Variants in EHMT1 observed in about 807,000 individuals in gnomAD.
EHMT1 encodes euchromatic histone lysine methyltransferase 1.
Under a neutral mutation model 147.2 loss-of-function variants are expected in EHMT1, and 15 were observed. The observed-to-expected ratio is 0.10, with a 90% CI of 0.07 to 0.16. EHMT1 has a LOEUF of 0.16. EHMT1 is among the 10% of genes least tolerant of loss of function. EHMT1 has a pLI of 1.00. For synonymous variants in EHMT1, 795 were observed against 709.6 expected (o/e 1.12, Z -1.91); for missense variants, 1,587 against 1,772.4 (o/e 0.90, Z 1.88).
intron 4 of EHMT1, among the ~76,000 whole-genome samples, chr9:137,741,795 A>G (rs886456521): frequency 3.9e-5 from 6 of 152,140 alleles, no homozygotes; most frequent in African/African-American, 1.4e-4. Context: ...TTTGGTTGGG[A>G]AAAAAATTCT....
At chr9:137,810,971 G>T (rs896728100) in intron 18 of EHMT1, among the ~76,000 whole-genome samples, 2 of 152,126 alleles carry the variant, frequency 1.3e-5, no homozygotes, top group Non-Finnish European at 2.9e-5. Context: ...AAAATGCTGG[G>T]ATTACAGGCG....
chr9:137,622,115 C>CA (rs1842974526), intron 1 of EHMT1, among the ~76,000 whole-genome samples: 1 of 126,618 alleles, frequency 7.9e-6, no homozygotes, highest in Non-Finnish European at 1.6e-5. Flanking sequence ...TCCCTCCCCC[C>CA]TCCCCCCTTT....
chr9:137,733,242 C>T (rs1240309062), intron 4 of EHMT1, among the ~76,000 whole-genome samples: 3 of 152,236 alleles, frequency 2.0e-5, no homozygotes, highest in African/African-American at 7.2e-5. Flanking sequence ...AGGCACCCAG[C>T]ATTGTTTTAG....
chr9:137,755,195 C>A (rs915707022), intron 8 of EHMT1, among the ~76,000 whole-genome samples: 7 of 152,190 alleles, frequency 4.6e-5, no homozygotes, highest in African/African-American at 1.7e-4. Flanking sequence ...GCCATGAGCT[C>A]CTCTGTCACC....
At chr9:137,778,159 T>A in intron 13 of EHMT1, 104 bp downstream of exon 13, 1 of 1,375,028 alleles carries the variant, frequency 7.3e-7, no homozygotes, top group Non-Finnish European at 1.0e-6. Context: ...GCTTTTTGAT[T>A]AATGCTGTTC....
intron 1 of EHMT1, among the ~76,000 whole-genome samples, chr9:137,691,277 T>C (rs893798006): frequency 6.6e-6 from 1 of 151,316 alleles, no homozygotes; most frequent in African/African-American, 2.4e-5. Flanking sequence ...CTGAATTTCC[T>C]TCCTTTTTAA....
chr9:137,680,452 G>A (rs559118868), intron 1 of EHMT1, among the ~76,000 whole-genome samples: 127 of 152,278 alleles, frequency 8.3e-4, no homozygotes, highest in Admixed American at 3.0e-3. Context: ...CAGCCTGGGC[G>A]ACAGAGCCAG....
At chr9:137,643,950 C>T (rs1458182395) in intron 1 of EHMT1, among the ~76,000 whole-genome samples, 1 of 152,204 alleles carries the variant, frequency 6.6e-6, no homozygotes, top group African/African-American at 2.4e-5. Context: ...CTTCTCACCC[C>T]TGTCTGACGT....
chr9:137,680,406 G>A lies in EHMT1; in HGVS notation c.22-30561G>A, dbSNP rs370597413. Among the ~76,000 whole-genome samples, 59 of 152,332 alleles carry A rather than the reference G, an allele frequency of 3.9e-4. 1 individual carries two copies. The South Asian group carries it at 0.012, about 31-fold the overall frequency. On this transcript the variant is annotated intron_variant, in intron 1 of 26. Coordinates refer to ENST00000460843, the MANE Select transcript of EHMT1 (RefSeq NM_024757.5). ...GAGAGTCACTTGAACTGGAGAGGCA[G>A]AGGTTGCAGTGGGCTGAAATTGTGC...
At chr9:137,741,058 G>A (rs1260046354) in intron 4 of EHMT1, among the ~76,000 whole-genome samples, 1 of 151,304 alleles carries the variant, frequency 6.6e-6, no homozygotes, top group East Asian at 1.9e-4. Flanking sequence ...CTCACTGCAA[G>A]CTCCGCCTCC....
intron 1 of EHMT1, among the ~76,000 whole-genome samples, chr9:137,676,693 G>T (rs1219105504): frequency 6.6e-6 from 1 of 152,184 alleles, no homozygotes; most frequent in Non-Finnish European, 1.5e-5. Context: ...ACTGGAGTCC[G>T]CATGAGCAGT....
chr9:137,750,297 ACAG>A (rs1160054861), intron 6 of EHMT1, among the ~76,000 whole-genome samples: 1 of 152,228 alleles, frequency 6.6e-6, no homozygotes, highest in African/African-American at 2.4e-5. Context: ...CACACAGAGG[ACAG>A]TGAGCATTCT....
chr9:137,701,238 CT>C (rs150893295), intron 1 of EHMT1, among the ~76,000 whole-genome samples: 42 of 152,102 alleles, frequency 2.8e-4, no homozygotes, highest in African/African-American at 7.5e-4. Flanking sequence ...CATTTTGCCC[CT>C]GATCCCTCCT....
intron 2 of EHMT1, among the ~76,000 whole-genome samples, chr9:137,711,999 C>T (rs1167215054): frequency 1.3e-5 from 2 of 152,200 alleles, no homozygotes; most frequent in African/African-American, 4.8e-5. Flanking sequence ...CTCGTCCACC[C>T]ACTGGCTGTG....
chr9:137,684,810 T>C (rs550890526), intron 1 of EHMT1, among the ~76,000 whole-genome samples: 1 of 152,348 alleles, frequency 6.6e-6, no homozygotes, highest in Admixed American at 6.5e-5. Flanking sequence ...ATTCTTTTAC[T>C]GAATTATGAT....
intron 1 of EHMT1, among the ~76,000 whole-genome samples, chr9:137,630,285 C>A (rs1161472191): frequency 6.6e-6 from 1 of 152,150 alleles, no homozygotes; most frequent in Non-Finnish European, 1.5e-5. Flanking sequence ...AATAATAGAA[C>A]AGAGCAAATA....
chr9:137,678,508 G>C (rs561297838), intron 1 of EHMT1, among the ~76,000 whole-genome samples: 1 of 152,122 alleles, frequency 6.6e-6, no homozygotes, highest in Non-Finnish European at 1.5e-5. Context: ...GCGTGCAGCC[G>C]TGCGTGTTCT....
intron 18 of EHMT1, among the ~76,000 whole-genome samples, chr9:137,803,504 G>A (rs1181147095): frequency 6.6e-6 from 1 of 152,182 alleles, no homozygotes; most frequent in African/African-American, 2.4e-5. Flanking sequence ...CATTTTCGTT[G>A]CCTGAAGTGC....
At chr9:137,772,383 A>G (rs532858597) in intron 10 of EHMT1, among the ~76,000 whole-genome samples, 1 of 152,212 alleles carries the variant, frequency 6.6e-6, no homozygotes, top group Admixed American at 6.5e-5. Context: ...AAAATAGGAA[A>G]CCGTTTTGTA....
Sources: gnomAD v4.1 joint callset for allele counts (sites outside exome capture counted in the v4.1 genomes callset) on GRCh38, gnomAD v4.1.1 for gene constraint, MANE v1.5 for transcripts, NCBI Gene and HGNC (gene_info 2026-07-23, HGNC 2026-07-21) for gene names.